The following GCAT variants were observed in gnomAD, a reference collection of about 807,000 sequenced individuals.
GCAT encodes glycine C-acetyltransferase, also known as 2-amino-3-ketobutyrate coenzyme A ligase, mitochondrial.
A neutral mutation model predicts 39.7 loss-of-function variants in GCAT; 26 were observed. The observed-to-expected ratio is 0.65, with a 90% CI of 0.48 to 0.91. GCAT has a LOEUF of 0.91. GCAT is among the 40% of genes least tolerant of loss of function. GCAT has a pLI of 0.00. For synonymous variants in GCAT, 218 were observed against 237.2 expected, an observed-to-expected ratio of 0.92 and a Z score of 0.74; for missense variants, 550 against 576.2, an observed-to-expected ratio of 0.95 and a Z score of 0.47.
At chr22:37,816,138 G>A (rs1569084287) in intron 7 of GCAT, 62 bp from the exon 8 acceptor site, 6 of 1,579,574 alleles carry the variant, frequency 3.8e-6, no homozygotes, top group Non-Finnish European at 4.3e-6. Flanking sequence ...CCTGGTCCCT[G>A]CAAGGAGCGG....
chr22:37,807,935 G>C lies in GCAT; in HGVS notation c.-33G>C, dbSNP rs201679461. ...GCGTCCGCGATGCGCACGGCTCCCAGGCAGGCAGGCGCGCTCGGGCGAGGT... is the reference window on the plus strand; with the variant it reads ...GCGTCCGCGATGCGCACGGCTCCCACGCAGGCAGGCGCGCTCGGGCGAGGT... On this transcript the variant is annotated 5_prime_UTR_variant, in exon 1 of 9. Transcript: ENST00000248924. 109 of 1,445,328 alleles carry C rather than the reference G, an allele frequency of 7.5e-5. No individual in the cohort carries two copies. In the East Asian group the frequency reaches 3.1e-3, roughly 42 times the overall value. 89.5% of individuals were successfully genotyped at this position (1,445,328 alleles called of 1,614,324 possible).
chr22:37,808,869 T>C (rs1601691864), intron 1 of GCAT, among the ~76,000 whole-genome samples: 1 of 152,200 alleles, frequency 6.6e-6, no homozygotes, highest in South Asian at 2.1e-4. Context: ...GTATTTTTAG[T>C]GGAGACTGGG....
chr22:37,814,692 C>T (rs1921966915), intron 4 of GCAT, among the ~76,000 whole-genome samples: 1 of 152,134 alleles, frequency 6.6e-6, no homozygotes, highest in South Asian at 2.1e-4. Flanking sequence ...GAGACAGGGT[C>T]TCACTATGTT....
intron 4 of GCAT, 106 bp from the exon 5 acceptor site, chr22:37,815,020 G>GTAC: frequency 9.0e-7 from 1 of 1,109,768 alleles, no homozygotes; most frequent in South Asian, 1.4e-5. Context: ...CCACCTCTGT[G>GTAC]CTGGGCACTG....
Position 37,815,745 on chromosome 22 carries a change from A to G in GCAT, c.897A>G (p.Pro299=), listed in dbSNP as rs748020075. The G allele has an allele frequency of 1.2e-6, 2 of 1,613,626 alleles. No homozygotes were observed. The highest frequency in any genetic ancestry group is 1.1e-5 in the South Asian group (1 of 91,062). The part of the protein sequence containing the change: ...ARPYLFSNSL[P]PAVVGCASKA... ...CATACCTCTTCTCCAACAGTCTGCC[A>G]CCTGCTGTCGTTGGCTGCGCCTCCA... is the stretch of plus-strand genomic sequence containing the variant. Residue 299 remains proline (P), a synonymous_variant, in exon 7 of 9, where the codon CCA becomes CCG. Transcript: ENST00000248924.
At chr22:37,817,017 T>C (rs1351939429), downstream of GCAT, 5 of 305,088 alleles carry the variant, frequency 1.6e-5, no homozygotes, top group African/African-American at 1.0e-4. Flanking sequence ...ACTGACCTCT[T>C]TCCCTAGATT....
At chr22:37,809,432 C>T (rs539128114) in intron 1 of GCAT, among the ~76,000 whole-genome samples, 1 of 152,094 alleles carries the variant, frequency 6.6e-6, no homozygotes, top group African/African-American at 2.4e-5. Context: ...TCAAGGAAAC[C>T]AAGGGGTCAG....
At chr22:37,815,101 C>T (rs1413863697) in intron 4 of GCAT, 25 bp from the exon 5 acceptor site, 1 of 1,610,472 alleles carries the variant, frequency 6.2e-7, no homozygotes, top group Admixed American at 1.7e-5. Context: ...ACACCACCCA[C>T]CATCTGCTCA....
chr22:37,816,545 C>G lies in GCAT; in HGVS notation c.1109-22C>G, dbSNP rs1220860914. ...CCCCAAGCCTGTTGGTTCTGGCACGCCCTTGCTTTCTACCCTCCCAGGCAT... is the reference window on the plus strand; with the variant it reads ...CCCCAAGCCTGTTGGTTCTGGCACGGCCTTGCTTTCTACCCTCCCAGGCAT... On this transcript the variant is annotated intron_variant, in intron 8 of 8. Transcript: ENST00000248924. 4 of 1,613,756 alleles carry G rather than the reference C, an allele frequency of 2.5e-6. No individual in the cohort carries two copies. The African/African-American group carries it at 5.3e-5, about 22-fold the overall frequency.
At chr22:37,815,907 C>A in intron 7 of GCAT, 73 bp downstream of exon 7, 3 of 1,549,448 alleles carry the variant, frequency 1.9e-6, no homozygotes, top group South Asian at 1.2e-5. Flanking sequence ...TCTGCCCAGG[C>A]CCACAGACAG....
At chr22:37,815,883 G>C (rs368132135) in intron 7 of GCAT, 49 bp downstream of exon 7, 2 of 1,601,822 alleles carry the variant, frequency 1.2e-6, no homozygotes, top group Non-Finnish European at 1.7e-6. Flanking sequence ...CGTGGTGAGA[G>C]CCAGCCTCAT....
intron 2 of GCAT, among the ~76,000 whole-genome samples, 198 bp from the exon 3 acceptor site, chr22:37,812,689 A>T (rs1402987594): frequency 6.6e-6 from 1 of 152,150 alleles, no homozygotes; most frequent in Admixed American, 6.5e-5. Flanking sequence ...GGAACCTAAC[A>T]GGTCCCCAGT....
chr22:37,815,091 A>C, intron 4 of GCAT, 35 bp from the exon 5 acceptor site: 3 of 1,607,154 alleles, frequency 1.9e-6, no homozygotes, highest in Non-Finnish European at 2.6e-6. Context: ...GCCCAACTTG[A>C]CACCACCCAC....
In GCAT at chr22:37,813,552, G is replaced by C. The variant is rs1202300342; in HGVS notation, c.519G>C (p.Lys173Asn). The C allele has an allele frequency of 1.9e-6, 3 of 1,613,646 alleles. No individual in the cohort carries two copies. In the East Asian group the frequency reaches 6.7e-5, roughly 36 times the overall value. Residue 173 changes from lysine to asparagine, a missense_variant, in exon 4 of 9, where the codon AAG becomes AAC. Lys to Asn is a moderately conservative substitution (Grantham distance 94, BLOSUM62 0). Coordinates refer to ENST00000248924, the MANE Select transcript of GCAT (RefSeq NM_014291.4). ...GCATCCGGCTGTGCAAGGCCCACAA[G>C]TACCGCTATCGCCACCTGGACATGG... ...IDGIRLCKAH[K>N]YRYRHLDMAD... is the part of the protein sequence containing the mutation.
At chr22:37,816,509 C>G in intron 8 of GCAT, 58 bp from the exon 9 acceptor site, 1 of 1,597,476 alleles carries the variant, frequency 6.3e-7, no homozygotes, top group Non-Finnish European at 8.6e-7. Context: ...CCCTTGCCCT[C>G]TGTGTTCTGC....
At chr22:37,816,504 GC>G in intron 8 of GCAT, 62 bp from the exon 9 acceptor site, 2 of 1,589,082 alleles carry the variant, frequency 1.3e-6, no homozygotes, top group Non-Finnish European at 1.7e-6. Flanking sequence ...CAGTTCCCTT[GC>G]CCTCTGTGTT....
At chr22:37,811,216 C>T (rs1921550525) in intron 2 of GCAT, among the ~76,000 whole-genome samples, 1 of 152,130 alleles carries the variant, frequency 6.6e-6, no homozygotes, top group Non-Finnish European at 1.5e-5. Flanking sequence ...GGCGCAGTGG[C>T]TCATGCCTGT....
intron 1 of GCAT, among the ~76,000 whole-genome samples, chr22:37,809,394 C>A (rs1452181620): frequency 6.6e-6 from 1 of 152,144 alleles, no homozygotes; most frequent in Non-Finnish European, 1.5e-5. Flanking sequence ...CTGCAGCAGG[C>A]GTCTGATCCA....
intron 7 of GCAT, 182 bp downstream of exon 7, chr22:37,816,016 C>T (rs1375557132): frequency 2.3e-6 from 1 of 437,210 alleles, no homozygotes; most frequent in Non-Finnish European, 3.0e-6. Flanking sequence ...TCCCTCCTGT[C>T]TTTCCACCTC....
Sources: allele counts gnomAD v4.1 joint callset (sites outside exome capture counted in the v4.1 genomes callset), GRCh38; gene constraint gnomAD v4.1.1; transcripts MANE v1.5; gene names NCBI Gene and HGNC (gene_info 2026-07-23, HGNC 2026-07-21).